BTRC: variants seen among roughly 807,000 people sequenced by gnomAD.
BTRC encodes the protein beta-transducin repeat containing E3 ubiquitin protein ligase, also known as F-box/WD repeat-containing protein 1A.
BTRC carries 42 observed loss-of-function variants against 85.5 expected under a neutral mutation model. The ratio of observed to expected loss-of-function variants is 0.49; its 90% CI spans 0.38 to 0.64. The LOEUF is 0.64. BTRC is among the 30% of genes least tolerant of loss of function. BTRC has a pLI of 0.00. For synonymous variants in BTRC, 255 were observed against 263.3 expected (o/e 0.97, Z 0.30); for missense variants, 594 against 743.5 (o/e 0.80, Z 2.34).
Position 101,551,445 on chromosome 10 carries a change from A to G in BTRC, c.*31+554A>G, listed in dbSNP as rs891712190. On this transcript the variant is annotated intron_variant, in intron 14 of 14. Coordinates refer to ENST00000370187, the MANE Select transcript of BTRC (RefSeq NM_033637.4). ...AAGAGGACCTGTCTTTTGACCTCTG[A>G]CCTCCACATGTCCTCCCACTCAAGT... is the stretch of plus-strand genomic sequence containing the variant. 4.6e-5 allele frequency among the ~76,000 whole-genome samples: 7 copies of G among 152,144 alleles called. No individual in the cohort carries two copies. In the Middle Eastern group the frequency reaches 0.014, roughly 296 times the overall value.
At chr10:101,366,543 T>C (rs550416995) in intron 1 of BTRC, among the ~76,000 whole-genome samples, 2 of 151,290 alleles carry the variant, frequency 1.3e-5, no homozygotes, top group South Asian at 4.2e-4. Context: ...TTTAGAAGCT[T>C]TAAAGAAGAA....
At chr10:101,526,262 A>G in intron 6 of BTRC, 63 bp downstream of exon 6, 1 of 1,496,654 alleles carries the variant, frequency 6.7e-7, no homozygotes, top group Non-Finnish European at 9.0e-7. Flanking sequence ...CAGTCACTGA[A>G]AGATTTTTGG....
At chr10:101,404,439 C>G (rs2134007828) in intron 1 of BTRC, among the ~76,000 whole-genome samples, 1 of 151,962 alleles carries the variant, frequency 6.6e-6, no homozygotes, top group East Asian at 1.9e-4. Context: ...TTTAGTATAC[C>G]AAGTAATTTT....
At position 101,404,026 on chromosome 10, in the gene BTRC, A is replaced by ATTTTTTTT. The variant is rs1438676972; in HGVS notation, c.49-26318_49-26317insTTTTTTTT. On this transcript the variant is annotated intron_variant, in intron 1 of 14. Transcript: ENST00000370187. ...TGTATATATATATATATATATATAT[A>ATTTTTTTT]TATATTTTTTTTTTTTTTTTTTTGA... Among the ~76,000 whole-genome samples the ATTTTTTTT allele has an allele frequency of 5.3e-4, 14 of 26,196 alleles. 1 individual carries two copies. Among genetic ancestry groups the ATTTTTTTT allele is most frequent in the Non-Finnish European group, 9.3e-4 (13 of 14,006 alleles). The allele number at this position is 26,196 out of a possible 152,430, so 17.2% of individuals were successfully genotyped here.
At chr10:101,543,973 G>C (rs1449025476) in intron 13 of BTRC, among the ~76,000 whole-genome samples, 1 of 152,142 alleles carries the variant, frequency 6.6e-6, no homozygotes, top group Non-Finnish European at 1.5e-5. Context: ...GCACTGGCGT[G>C]ATCTTGGCTC....
intron 13 of BTRC, among the ~76,000 whole-genome samples, chr10:101,541,556 G>A (rs184691895): frequency 2.0e-5 from 3 of 152,184 alleles, no homozygotes; most frequent in South Asian, 4.2e-4. Flanking sequence ...CACCGCGCCC[G>A]GCCTAGGGTT....
intron 1 of BTRC, among the ~76,000 whole-genome samples, chr10:101,411,029 T>A (rs1252609935): frequency 6.9e-6 from 1 of 143,992 alleles, no homozygotes; most frequent in Non-Finnish European, 1.5e-5. Context: ...ACAGTGTCAC[T>A]CTGTCGCCCA....
chr10:101,487,712 A>G (rs1428874750), intron 4 of BTRC, among the ~76,000 whole-genome samples: 3 of 152,172 alleles, frequency 2.0e-5, no homozygotes, highest in Non-Finnish European at 4.4e-5. Flanking sequence ...CAGGGATCCT[A>G]CCCAGTCGGA....
intron 14 of BTRC, among the ~76,000 whole-genome samples, chr10:101,551,768 A>C (rs1220491625): frequency 1.3e-5 from 2 of 152,074 alleles, no homozygotes; most frequent in Non-Finnish European, 2.9e-5. Context: ...TCTTTCTCTC[A>C]CAGAGGACAC....
At chr10:101,415,870 G>A (rs1564758646) in intron 1 of BTRC, among the ~76,000 whole-genome samples, 1 of 152,094 alleles carries the variant, frequency 6.6e-6, no homozygotes, top group Non-Finnish European at 1.5e-5. Context: ...TATTTTTACT[G>A]TACTTTTTCT....
chr10:101,408,158 T>C (rs1250590275), intron 1 of BTRC, among the ~76,000 whole-genome samples: 1 of 152,248 alleles, frequency 6.6e-6, no homozygotes, highest in Non-Finnish European at 1.5e-5. Context: ...ATTCAAGTGC[T>C]CAGTAGCCGT....
chr10:101,532,245 T>A, intron 7 of BTRC, 50 bp from the exon 8 acceptor site: 1 of 1,555,432 alleles, frequency 6.4e-7, no homozygotes, highest in Non-Finnish European at 8.7e-7. Flanking sequence ...AAAAAGAGTT[T>A]GATTCTAGGT....
intron 13 of BTRC, among the ~76,000 whole-genome samples, chr10:101,548,438 C>A (rs947559002): frequency 2.0e-5 from 3 of 152,164 alleles, no homozygotes; most frequent in African/African-American, 7.2e-5. Context: ...ATAGAAGAAT[C>A]TTATAATGTT....
chr10:101,430,261 C>T (rs770734609), intron 1 of BTRC, 84 bp from the exon 2 acceptor site: 33 of 793,856 alleles, frequency 4.2e-5, no homozygotes, highest in Non-Finnish European at 5.6e-5. Context: ...TGGAATATTG[C>T]GTTCAGCCAA....
chr10:101,486,408 A>T (rs1030931352), intron 4 of BTRC, among the ~76,000 whole-genome samples: 1 of 151,226 alleles, frequency 6.6e-6, no homozygotes, highest in Admixed American at 6.6e-5. Context: ...TTAGTGCAGG[A>T]ATTTTAAGGA....
intron 1 of BTRC, among the ~76,000 whole-genome samples, chr10:101,394,439 G>T (rs1754184915): frequency 6.6e-6 from 1 of 152,092 alleles, no homozygotes; most frequent in Non-Finnish European, 1.5e-5. Flanking sequence ...ATTTCACCTT[G>T]TTTCTGCTGG....
At chr10:101,505,536 C>T (rs952458132) in intron 4 of BTRC, among the ~76,000 whole-genome samples, 3 of 151,320 alleles carry the variant, frequency 2.0e-5, no homozygotes, top group African/African-American at 7.3e-5. Flanking sequence ...AGGAGAATGG[C>T]GTGAACCTAG....
At chr10:101,356,098 G>T (rs1232504418) in intron 1 of BTRC, among the ~76,000 whole-genome samples, 2 of 152,174 alleles carry the variant, frequency 1.3e-5, no homozygotes, top group African/African-American at 4.8e-5. Flanking sequence ...CGCCTCCTGG[G>T]TTCAAGCGAT....
intron 14 of BTRC, among the ~76,000 whole-genome samples, chr10:101,551,864 G>A (rs1001343981): frequency 2.0e-5 from 3 of 152,150 alleles, no homozygotes; most frequent in Non-Finnish European, 2.9e-5. Context: ...GATGAGTAAC[G>A]TGAGGGGCAG....
Sources: allele counts gnomAD v4.1 joint callset (sites outside exome capture counted in the v4.1 genomes callset), GRCh38; gene constraint gnomAD v4.1.1; transcripts MANE v1.5; gene names NCBI Gene and HGNC (gene_info 2026-07-23, HGNC 2026-07-21).